UBE2U: variants seen among roughly 807,000 people sequenced by gnomAD.
The protein encoded by UBE2U is ubiquitin conjugating enzyme E2 U, also known as ubiquitin-conjugating enzyme E2 U.
Under a neutral mutation model 41.2 loss-of-function variants are expected in UBE2U, and 39 were observed. The ratio of observed to expected loss-of-function variants is 0.95; its 90% CI spans 0.73 to 1.24. The LOEUF (loss-of-function observed/expected upper bound fraction) is 1.24, where lower values mean the gene tolerates loss of function less well. Ranked by LOEUF, UBE2U falls within the 50% of genes most tolerant of loss-of-function variation. UBE2U has a pLI of 0.00. For synonymous variants in UBE2U, 107 were observed against 117.8 expected, an observed-to-expected ratio of 0.91 and a Z score of 0.60; for missense variants, 336 against 363.1, an observed-to-expected ratio of 0.93 and a Z score of 0.61.
chr1:64,265,113 G>A (rs572996948), intron 9 of UBE2U, among the ~76,000 whole-genome samples: 238 of 152,152 alleles, frequency 1.6e-3, no homozygotes, highest in African/African-American at 5.2e-3. Context: ...TGCTGTGTCC[G>A]GTGTGGTTAC....
chr1:64,220,750 AT>A, intron 5 of UBE2U, 108 bp from the exon 6 acceptor site: 1 of 869,042 alleles, frequency 1.2e-6, no homozygotes, highest in Admixed American at 2.8e-5. Context: ...TTTATATCTT[AT>A]TTTTATTCCT....
intron 9 of UBE2U, 21 bp from the exon 10 acceptor site, chr1:64,267,003 T>G: frequency 1.3e-6 from 2 of 1,534,574 alleles, no homozygotes. Flanking sequence ...AAATTTCTAT[T>G]TTTTATAATT....
chr1:64,239,042 CAAA>C (rs960113984), intron 7 of UBE2U, among the ~76,000 whole-genome samples: 9 of 109,148 alleles, frequency 8.2e-5, no homozygotes, highest in East Asian at 3.0e-4. Flanking sequence ...ACCCCCATCT[CAAA>C]AAGAAGAAGA....
intron 3 of UBE2U, among the ~76,000 whole-genome samples, chr1:64,209,097 A>G (rs552629948): frequency 6.6e-6 from 1 of 152,276 alleles, no homozygotes; most frequent in South Asian, 2.1e-4. Context: ...TTTTTTTCCC[A>G]AGTACATTAT....
At chr1:64,218,939 T>C (rs1057107078) in intron 5 of UBE2U, among the ~76,000 whole-genome samples, 1 of 152,196 alleles carries the variant, frequency 6.6e-6, no homozygotes, top group African/African-American at 2.4e-5. Flanking sequence ...CTCTTTCCTG[T>C]GGCACTCTAT....
At chr1:64,246,341 CTA>C (rs1462169924) in intron 8 of UBE2U, among the ~76,000 whole-genome samples, 1 of 152,108 alleles carries the variant, frequency 6.6e-6, no homozygotes, top group African/African-American at 2.4e-5. Flanking sequence ...TTTGGTATAC[CTA>C]TGTTTGATCC....
At position 64,241,588 on chromosome 1, in the gene UBE2U, T is replaced by A. The variant is rs1430743610; in HGVS notation, c.596-64T>A. The A allele has an allele frequency of 1.0e-5, 12 of 1,201,960 alleles. No homozygotes were observed. In the South Asian group the frequency reaches 1.7e-4, roughly 17 times the overall value. 74.5% of individuals were successfully genotyped at this position (1,201,960 alleles called of 1,614,324 possible). On this transcript the variant is annotated intron_variant, in intron 7 of 9. Transcript: ENST00000371077. ...AATGAGAAGTGAATGATTTTTAACT[T>A]TTAACTATTAACTATTATTAAAGAA... is the stretch of plus-strand genomic sequence containing the variant.
chr1:64,245,827 C>T (rs1644911425), intron 8 of UBE2U, among the ~76,000 whole-genome samples: 1 of 152,108 alleles, frequency 6.6e-6, no homozygotes. Context: ...TCCCCCAACC[C>T]CTGACGCCCC....
intron 3 of UBE2U, among the ~76,000 whole-genome samples, chr1:64,210,190 A>G (rs1187191579): frequency 6.6e-6 from 1 of 152,202 alleles, no homozygotes; most frequent in Non-Finnish European, 1.5e-5. Flanking sequence ...AGTTTCTTCT[A>G]GTCATTCTAC....
In UBE2U at chr1:64,203,966, G is replaced by A; in HGVS notation, c.-85G>A. ...AACTTATATCAGTTTACTAAGTGTG[G>A]GAAAGTGACCCATAACTTCAAACAT... On this transcript the variant is annotated 5_prime_UTR_variant, in exon 1 of 10. Transcript: ENST00000371077. 1 of 1,255,708 alleles carries A rather than the reference G, an allele frequency of 8.0e-7. No individual in the cohort carries two copies. Among genetic ancestry groups the A allele is most frequent in the Non-Finnish European group, 1.1e-6 (1 of 878,188 alleles). The allele number at this position is 1,255,708 out of a possible 1,614,324, so 77.8% of individuals were successfully genotyped here. A position where few individuals can be genotyped will look rare whatever the true frequency, so the allele number is the denominator to read the frequency against.
Position 64,203,882 on chromosome 1 carries a change from AT to A in UBE2U, c.-168del. ...GGAGTCAGGAGAAAAAGTCATTGTTATATCCCAACTTTAGAAGCCGCTTATC... is the reference window on the plus strand; with the variant it reads ...GGAGTCAGGAGAAAAAGTCATTGTTAATCCCAACTTTAGAAGCCGCTTATC... On this transcript the variant is annotated 5_prime_UTR_variant, in exon 1 of 10. An upstream open reading frame in the 5' UTR loses its in-frame stop. Transcript: ENST00000371077. 1 of 484,036 alleles carries A rather than the reference AT, an allele frequency of 2.1e-6. No individual in the cohort carries two copies. The highest frequency in any genetic ancestry group is 3.7e-6 in the Non-Finnish European group (1 of 273,034). 30.0% of individuals were successfully genotyped at this position (484,036 alleles called of 1,614,324 possible).
chr1:64,215,533 A>C (rs766429547), intron 5 of UBE2U: 1 of 152,306 alleles, frequency 6.6e-6, no homozygotes, highest in Non-Finnish European at 1.5e-5. Flanking sequence ...AAGGTATGAC[A>C]TCTAATTTTG....
intron 3 of UBE2U, among the ~76,000 whole-genome samples, chr1:64,208,249 C>A (rs1341755512): frequency 1.3e-5 from 2 of 152,112 alleles, no homozygotes; most frequent in Non-Finnish European, 2.9e-5. Flanking sequence ...TCCCGTAATA[C>A]CATGTTTATA....
chr1:64,243,657 C>T (rs1459107247), intron 8 of UBE2U, among the ~76,000 whole-genome samples: 7 of 152,164 alleles, frequency 4.6e-5, no homozygotes, highest in Non-Finnish European at 1.0e-4. Context: ...CCTGTCTCTC[C>T]TGCTACTTCC....
chr1:64,224,716 CTG>C (rs1652740286), intron 6 of UBE2U, among the ~76,000 whole-genome samples: 1 of 133,238 alleles, frequency 7.5e-6, no homozygotes, highest in Non-Finnish European at 1.7e-5. Context: ...GAGCGAGACT[CTG>C]TGTCAAAAAA....
At chr1:64,262,750 G>T (rs548676818) in intron 9 of UBE2U, among the ~76,000 whole-genome samples, 2 of 152,128 alleles carry the variant, frequency 1.3e-5, no homozygotes, top group Non-Finnish European at 2.9e-5. Context: ...AGAAGTCATG[G>T]GTCCTATCCA....
intron 6 of UBE2U, among the ~76,000 whole-genome samples, chr1:64,225,083 G>A (rs1376251759): frequency 6.6e-6 from 1 of 151,942 alleles, no homozygotes; most frequent in Non-Finnish European, 1.5e-5. Flanking sequence ...TTAAATGCTA[G>A]TAATAATGGT....
At chr1:64,216,421 AG>A (rs1050072332) in intron 5 of UBE2U, among the ~76,000 whole-genome samples, 1 of 152,254 alleles carries the variant, frequency 6.6e-6, no homozygotes, top group African/African-American at 2.4e-5. Flanking sequence ...GAAAAGATAA[AG>A]GGCAGTTGTA....
Position 64,263,727 on chromosome 1 carries a change from C to A in UBE2U, c.769+3033C>A, listed in dbSNP as rs115822576. Among the ~76,000 whole-genome samples, 756 of 152,292 alleles carry A rather than the reference C, an allele frequency of 5.0e-3. 5 individuals carry two copies. Among genetic ancestry groups the A allele is most frequent in the African/African-American group, 0.018 (729 of 41,562 alleles). On this transcript the variant is annotated intron_variant, in intron 9 of 9. Transcript: ENST00000371077. ...TCATAGTTTGCCAGTGGGAGAAACT[C>A]ACCAGAGATTTGGCAGGTGGGAGGG...
Sources: allele counts gnomAD v4.1 joint callset (sites outside exome capture counted in the v4.1 genomes callset), GRCh38; gene constraint gnomAD v4.1.1; transcripts MANE v1.5; gene names NCBI Gene and HGNC (gene_info 2026-07-23, HGNC 2026-07-21).